The following GABRG2 variants were observed in gnomAD, a reference collection of about 807,000 sequenced individuals.
The protein encoded by GABRG2 is gamma-aminobutyric acid type A receptor subunit gamma2, also known as gamma-aminobutyric acid receptor subunit gamma-2.
A neutral mutation model predicts 56.4 loss-of-function variants in GABRG2; 16 were observed. That is an observed-to-expected ratio of 0.28 (90% CI 0.19 to 0.43). The LOEUF (loss-of-function observed/expected upper bound fraction) is 0.43. Ranked by LOEUF, GABRG2 falls within the 20% of genes least tolerant of loss-of-function variation. The probability of loss-of-function intolerance (pLI) is 1.00; values close to 1 mark genes in which losing one functional copy is unlikely to be tolerated. For missense variants in GABRG2, 327 were observed against 582.7 expected (o/e 0.56, Z 4.52); for synonymous variants, 208 against 205.5 (o/e 1.01, Z -0.10).
intron 1 of GABRG2, among the ~76,000 whole-genome samples, chr5:162,090,213 G>A (rs1306905547): frequency 6.6e-6 from 1 of 151,732 alleles, no homozygotes; most frequent in East Asian, 1.9e-4. Flanking sequence ...AAGCAGGAAC[G>A]TGAGAATTTT....
chr5:162,131,399 T>C (rs908610780), intron 6 of GABRG2, among the ~76,000 whole-genome samples: 15 of 152,040 alleles, frequency 9.9e-5, no homozygotes, highest in African/African-American at 3.6e-4. Flanking sequence ...GAAGTCATTA[T>C]TTTTAGCATA....
At chr5:162,134,228 T>C (rs1763958156) in intron 6 of GABRG2, among the ~76,000 whole-genome samples, 1 of 152,140 alleles carries the variant, frequency 6.6e-6, no homozygotes, top group African/African-American at 2.4e-5. Flanking sequence ...TCTCTTTGGA[T>C]AAAGCATCCT....
At chr5:162,101,048 G>T (rs757042717) in intron 4 of GABRG2, among the ~76,000 whole-genome samples, 187 bp from the exon 5 acceptor site, 22 of 152,122 alleles carry the variant, frequency 1.4e-4, no homozygotes, top group Non-Finnish European at 1.9e-4. Flanking sequence ...CTGTGAAAAT[G>T]AACAGACTAC....
chr5:162,114,799 A>T (rs1762500916), intron 6 of GABRG2, among the ~76,000 whole-genome samples: 1 of 152,196 alleles, frequency 6.6e-6, no homozygotes, highest in African/African-American at 2.4e-5. Flanking sequence ...GTCCACTTTC[A>T]TGGAAGATGG....
chr5:162,069,476 T>C (rs1471761738), intron 1 of GABRG2, among the ~76,000 whole-genome samples: 1 of 152,162 alleles, frequency 6.6e-6, no homozygotes, highest in Non-Finnish European at 1.5e-5. Context: ...AAAAAAATTA[T>C]TGAAACTAGG....
intron 6 of GABRG2, among the ~76,000 whole-genome samples, chr5:162,112,096 G>A (rs1762291435): frequency 6.6e-6 from 1 of 152,030 alleles, no homozygotes; most frequent in Admixed American, 6.6e-5. Context: ...AAATCTGACT[G>A]TAATTCAAAA....
chr5:162,099,527 C>T (rs774713044), intron 4 of GABRG2: 2 of 152,204 alleles, frequency 1.3e-5, no homozygotes, highest in Admixed American at 6.5e-5. Flanking sequence ...AACTCAGCCT[C>T]CCAAAGTCTG....
chr5:162,148,010 AC>A (rs1363703320), intron 7 of GABRG2, among the ~76,000 whole-genome samples: 1 of 152,186 alleles, frequency 6.6e-6, no homozygotes, highest in Non-Finnish European at 1.5e-5. Context: ...AAGAGCTAGA[AC>A]CTATTTGAAT....
chr5:162,068,967 C>A (rs1758454713), intron 1 of GABRG2, among the ~76,000 whole-genome samples: 1 of 151,964 alleles, frequency 6.6e-6, no homozygotes, highest in Admixed American at 6.6e-5. Context: ...ATATGCTGAA[C>A]CAGGTGAATG....
intron 7 of GABRG2, chr5:162,142,524 A>C (rs371269628): frequency 1.9e-6 from 1 of 516,538 alleles, no homozygotes; most frequent in African/African-American, 1.9e-5. Flanking sequence ...GATAGACTGG[A>C]TTAAGAAAAT....
chr5:162,125,471 A>G (rs957236597), intron 6 of GABRG2, among the ~76,000 whole-genome samples: 1 of 143,506 alleles, frequency 7.0e-6, no homozygotes. Context: ...CTCAACGCAA[A>G]TGTAGATAGC....
intron 1 of GABRG2, among the ~76,000 whole-genome samples, chr5:162,073,322 A>G (rs977904831): frequency 1.1e-4 from 17 of 151,888 alleles, no homozygotes; most frequent in African/African-American, 4.1e-4. Flanking sequence ...CTGAACAAAT[A>G]TTATGTTTAG....
At chr5:162,101,576 G>A in intron 5 of GABRG2, 2 of 473,770 alleles carry the variant, frequency 4.2e-6, no homozygotes, top group Non-Finnish European at 7.6e-6. Flanking sequence ...TGGTTGCATA[G>A]AGCCTTTTTT....
At chr5:162,068,919 C>A (rs974902077) in intron 1 of GABRG2, among the ~76,000 whole-genome samples, 2 of 151,986 alleles carry the variant, frequency 1.3e-5, no homozygotes, top group Non-Finnish European at 2.9e-5. Context: ...GGGGAATATA[C>A]GTCTGGAAAA....
rs75326095 is a variant in GABRG2 at position 162,107,407 on chromosome 5, G to A, written c.769+3381G>A. ...GAATATGTTGAAAAAGAGAGAGAGA[G>A]AAAAGGATATTAGAGCTTGAGTAAA... On this transcript the variant is annotated intron_variant, in intron 6 of 9. Transcript: ENST00000639213. Among the ~76,000 whole-genome samples, 1,362 of 152,214 alleles carry A rather than the reference G, an allele frequency of 8.9e-3. 12 individuals carry two copies. The highest frequency in any genetic ancestry group is 0.03 in the African/African-American group (1,266 of 41,528).
Position 162,078,561 on chromosome 5 carries a change from A to G in GABRG2, c.107+10455A>G, listed in dbSNP as rs940880981. Among the ~76,000 whole-genome samples, 27 of 151,180 alleles carry G rather than the reference A, an allele frequency of 1.8e-4. 1 individual carries two copies. The highest frequency in any genetic ancestry group is 5.8e-4 in the African/African-American group (24 of 41,262). ...TCTGGGACTACAGGTGCCTGCCACC[A>G]TGCCCGGATAATTTTTTACATTTTT... On this transcript the variant is annotated intron_variant, in intron 1 of 9. Transcript: ENST00000639213.
chr5:162,136,127 T>A (rs1201051156), intron 6 of GABRG2, among the ~76,000 whole-genome samples: 1 of 151,884 alleles, frequency 6.6e-6, no homozygotes, highest in Non-Finnish European at 1.5e-5. Context: ...AGTGGGGAGA[T>A]TATAAAGCTG....
intron 1 of GABRG2, among the ~76,000 whole-genome samples, chr5:162,089,294 A>G (rs1760377807): frequency 6.6e-6 from 1 of 152,110 alleles, no homozygotes; most frequent in Non-Finnish European, 1.5e-5. Flanking sequence ...TATTAATGAT[A>G]CTTTTGGGGC....
rs150474937 is a variant in GABRG2, at chr5:162,083,013, C to G, written c.108-10815C>G. On this transcript the variant is annotated intron_variant, in intron 1 of 9. Coordinates refer to ENST00000639213, the MANE Select transcript of GABRG2 (RefSeq NM_198904.4). ...AGCACAATTTTAGAAAAGAAAGAAA[C>G]AAACAAACAGAAAAGTATAAAAAAA... Among the ~76,000 whole-genome samples the G allele has an allele frequency of 5.4e-3, 818 of 151,384 alleles. 6 individuals are homozygous for G. The highest frequency in any genetic ancestry group is 0.017 in the African/African-American group (719 of 41,420).
Sources: allele counts gnomAD v4.1 joint callset (sites outside exome capture counted in the v4.1 genomes callset), GRCh38; gene constraint gnomAD v4.1.1; transcripts MANE v1.5; gene names NCBI Gene and HGNC (gene_info 2026-07-23, HGNC 2026-07-21).